The following YES1 variants were observed in gnomAD, a reference collection of about 807,000 sequenced individuals.
The protein encoded by YES1 is tyrosine-protein kinase Yes.
YES1 carries 39 observed loss-of-function variants against 70.4 expected under a neutral mutation model. The observed-to-expected ratio is 0.55, with a 90% CI of 0.43 to 0.72. The LOEUF (loss-of-function observed/expected upper bound fraction) is 0.72. YES1 is among the 30% of genes least tolerant of loss of function. The probability of loss-of-function intolerance (pLI) is 0.00; values close to 1 mark genes in which losing one functional copy is unlikely to be tolerated. For missense variants in YES1, 495 were observed against 644.8 expected, an observed-to-expected ratio of 0.77 and a Z score of 2.52; for synonymous variants, 198 against 218.6, an observed-to-expected ratio of 0.91 and a Z score of 0.83.
chr18:733,989 T>C (rs536584307), intron 10 of YES1, among the ~76,000 whole-genome samples: 3 of 152,276 alleles, frequency 2.0e-5, no homozygotes, highest in South Asian at 4.1e-4. Context: ...ATTTAAAAAG[T>C]GGCAGGTGGT....
chr18:775,453 TG>T (rs1184119633), intron 1 of YES1, among the ~76,000 whole-genome samples: 2 of 152,184 alleles, frequency 1.3e-5, no homozygotes, highest in South Asian at 2.1e-4. Context: ...ACCATTACCT[TG>T]ACTTCTAACA....
In YES1 at chr18:768,605, T is replaced by G. The variant is rs1240477012; in HGVS notation, c.-8-11770A>C. Among the ~76,000 whole-genome samples the G allele has an allele frequency of 3.9e-5, 6 of 152,218 alleles. No homozygotes were observed. The East Asian group carries it at 1.2e-3, about 29-fold the overall frequency. ...ATACCATCATGTGCAGCGTAACATT[T>G]TGGTCAAGGAGGGACCACATATATG... On this transcript the variant is annotated intron_variant, in intron 1 of 11. Transcript: ENST00000314574.
chr18:731,589 T>C (rs1183205734), intron 11 of YES1, among the ~76,000 whole-genome samples: 1 of 152,182 alleles, frequency 6.6e-6, no homozygotes, highest in Non-Finnish European at 1.5e-5. Flanking sequence ...GTACAAGAGT[T>C]TAGAAGTAAC....
intron 1 of YES1, among the ~76,000 whole-genome samples, chr18:804,697 G>A (rs1907000642): frequency 6.7e-6 from 1 of 149,858 alleles, no homozygotes; most frequent in South Asian, 2.1e-4. Context: ...CGGATCACCT[G>A]AGATAGGGAG....
chr18:725,813 G>A (rs1169565621), intron 11 of YES1, among the ~76,000 whole-genome samples: 1 of 152,322 alleles, frequency 6.6e-6, no homozygotes, highest in African/African-American at 2.4e-5. Context: ...TTGAACGGGA[G>A]GCGGAGGTTG....
chr18:787,300 T>C (rs989940870), intron 1 of YES1, among the ~76,000 whole-genome samples: 1 of 151,336 alleles, frequency 6.6e-6, no homozygotes, highest in Non-Finnish European at 1.5e-5. Context: ...GGTTTCACCA[T>C]ATTGACCAGG....
chr18:755,064 A>C (rs1310076113), intron 2 of YES1, among the ~76,000 whole-genome samples: 2 of 152,226 alleles, frequency 1.3e-5, no homozygotes, highest in Non-Finnish European at 2.9e-5. Context: ...ATTTTAGATT[A>C]CTATCTTTCC....
chr18:753,436 A>C (rs559880885), intron 2 of YES1, among the ~76,000 whole-genome samples: 1 of 152,292 alleles, frequency 6.6e-6, no homozygotes, highest in East Asian at 1.9e-4. Context: ...TTTTAATTTG[A>C]ATATGTATAT....
intron 3 of YES1, among the ~76,000 whole-genome samples, chr18:749,048 C>A (rs1253665628): frequency 6.6e-6 from 1 of 152,140 alleles, no homozygotes; most frequent in African/African-American, 2.4e-5. Flanking sequence ...GTAGTCCCAG[C>A]TACTTGGGAG....
At position 730,942 on chromosome 18, in the gene YES1, A is replaced by G. The variant is rs1013882136; in HGVS notation, c.1423+1892T>C. 5.1e-5 allele frequency among the ~76,000 whole-genome samples: 5 copies of G among 98,358 alleles called. No individual in the cohort carries two copies. In the East Asian group the frequency reaches 1.5e-3, roughly 29 times the overall value. 64.5% of individuals were successfully genotyped at this position (98,358 alleles called of 152,430 possible). A position where few individuals can be genotyped will look rare whatever the true frequency, so the allele number is the denominator to read the frequency against. ...GATTTTGCTAAGCAATGATGATGAAATCAGAGAAGGGTGAAATCAGCAAAG... is the reference window on the plus strand; with the variant it reads ...GATTTTGCTAAGCAATGATGATGAAGTCAGAGAAGGGTGAAATCAGCAAAG... On this transcript the variant is annotated intron_variant, in intron 11 of 11. Coordinates refer to ENST00000314574, the MANE Select transcript of YES1 (RefSeq NM_005433.4).
intron 1 of YES1, among the ~76,000 whole-genome samples, chr18:770,209 C>T (rs1278298654): frequency 2.0e-5 from 3 of 151,612 alleles, no homozygotes; most frequent in Non-Finnish European, 4.4e-5. Context: ...CTGCCTGCCT[C>T]GGCCTCCCAA....
intron 1 of YES1, among the ~76,000 whole-genome samples, chr18:772,592 C>T (rs935625539): frequency 1.3e-5 from 2 of 151,854 alleles, no homozygotes; most frequent in Non-Finnish European, 2.9e-5. Flanking sequence ...GCCACCATGC[C>T]CAGCTAATTT....
intron 10 of YES1, among the ~76,000 whole-genome samples, chr18:735,471 T>C (rs1478943507): frequency 2.0e-5 from 3 of 146,420 alleles, no homozygotes; most frequent in African/African-American, 7.5e-5. Flanking sequence ...AAGAGTAATA[T>C]AATGGACTTT....
At chr18:731,471 G>A (rs956812479) in intron 11 of YES1, among the ~76,000 whole-genome samples, 1 of 152,122 alleles carries the variant, frequency 6.6e-6, no homozygotes, top group African/African-American at 2.4e-5. Context: ...GGGAACTGTA[G>A]GGAAGAGGAA....
intron 1 of YES1, among the ~76,000 whole-genome samples, chr18:809,208 A>C (rs928813500): frequency 6.6e-6 from 1 of 152,246 alleles, no homozygotes; most frequent in African/African-American, 2.4e-5. Context: ...TTCTGTGAAA[A>C]TATTAAAACA....
At chr18:771,431 T>C (rs1475862906) in intron 1 of YES1, among the ~76,000 whole-genome samples, 1 of 152,208 alleles carries the variant, frequency 6.6e-6, no homozygotes, top group Non-Finnish European at 1.5e-5. Context: ...TGTGTTTAAC[T>C]TTTTATTATA....
At position 724,637 on chromosome 18, in the gene YES1, T is replaced by C. The variant is rs375615658; in HGVS notation, c.1424-5A>G. The C allele has an allele frequency of 6.7e-5, 108 of 1,612,428 alleles. 2 individuals carry two copies. In the African/African-American group the frequency reaches 1.1e-3, roughly 17 times the overall value. On this transcript the variant is annotated splice_polypyrimidine_tract_variant and splice_region_variant and intron_variant, in intron 11 of 11. Transcript: ENST00000314574. ...ATACTTCACGGTTCACCATACCTAA[T>C]ACACAAGATTAAAACATTAAAGAAC...
rs1357832671 is a variant in YES1 at position 743,327 on chromosome 18, T to C, written c.813A>G (p.Glu271=). 5 of 1,612,560 alleles carry C rather than the reference T, an allele frequency of 3.1e-6. No homozygotes were observed. Among genetic ancestry groups the C allele is most frequent in the Non-Finnish European group, 4.2e-6 (5 of 1,180,010 alleles). Residue 271 remains glutamate, a synonymous_variant, in exon 7 of 12, where the codon GAA becomes GAG. Transcript: ENST00000314574. ...QTQGLAKDAW[E]IPRESLRLEV... ...CTAGTCGCAAAGATTCTCGAGGGAT[T>C]TCCCAAGCATCTTTTGCTAGACCTT... is the stretch of plus-strand genomic sequence containing the variant.
At chr18:741,499 T>C (rs554022108) in intron 8 of YES1, among the ~76,000 whole-genome samples, 1 of 152,146 alleles carries the variant, frequency 6.6e-6, no homozygotes, top group Non-Finnish European at 1.5e-5. Flanking sequence ...TCATCTAATA[T>C]ACTCTTTGAA....
Sources: gnomAD v4.1 joint callset for allele counts (sites outside exome capture counted in the v4.1 genomes callset) on GRCh38, gnomAD v4.1.1 for gene constraint, MANE v1.5 for transcripts, NCBI Gene and HGNC (gene_info 2026-07-23, HGNC 2026-07-21) for gene names.